The following PHLDB2 variants were observed in gnomAD, a reference collection of about 807,000 sequenced individuals.
PHLDB2 encodes the protein pleckstrin homology like domain family B member 2.
A neutral mutation model predicts 123.6 loss-of-function variants in PHLDB2; 71 were observed. That is an observed-to-expected ratio of 0.57 (90% confidence interval 0.47 to 0.70). The LOEUF (loss-of-function observed/expected upper bound fraction) is 0.70, where lower values mean the gene tolerates loss of function less well. Ranked by LOEUF, PHLDB2 falls within the 30% of genes least tolerant of loss-of-function variation. PHLDB2 has a pLI of 0.00. For missense variants in PHLDB2, 1,446 were observed against 1,519.5 expected (o/e 0.95, Z 0.80); for synonymous variants, 547 against 541.6 (o/e 1.01, Z -0.14).
chr3:111,897,289 G>C (rs2066929628), intron 2 of PHLDB2, among the ~76,000 whole-genome samples: 1 of 152,184 alleles, frequency 6.6e-6, no homozygotes, highest in South Asian at 2.1e-4. Context: ...TGAGGCAAAG[G>C]GAAATCCCAG....
At chr3:111,848,096 C>T (rs914319524) in intron 2 of PHLDB2, among the ~76,000 whole-genome samples, 1 of 152,066 alleles carries the variant, frequency 6.6e-6, no homozygotes, top group Admixed American at 6.6e-5. Flanking sequence ...CCTCACCTTC[C>T]CCCGTGTACA....
At chr3:111,800,107 G>A (rs1025196649) in intron 1 of PHLDB2, among the ~76,000 whole-genome samples, 1 of 152,108 alleles carries the variant, frequency 6.6e-6, no homozygotes, top group African/African-American at 2.4e-5. Flanking sequence ...CTGGGCTCAG[G>A]TAATCCTCCC....
intron 5 of PHLDB2, among the ~76,000 whole-genome samples, chr3:111,921,891 C>T (rs893097231): frequency 4.6e-5 from 7 of 152,292 alleles, no homozygotes; most frequent in Admixed American, 6.5e-5. Context: ...CGTGAGCCGC[C>T]GCGCCCGGCC....
intron 1 of PHLDB2, among the ~76,000 whole-genome samples, chr3:111,815,855 C>T (rs1341760974): frequency 6.6e-6 from 1 of 152,150 alleles, no homozygotes; most frequent in Non-Finnish European, 1.5e-5. Flanking sequence ...TTTACAACAG[C>T]TTCCTGGAGG....
chr3:111,751,266 G>A (rs931806127), intron 1 of PHLDB2, among the ~76,000 whole-genome samples: 1 of 151,178 alleles, frequency 6.6e-6, no homozygotes, highest in African/African-American at 2.4e-5. Flanking sequence ...CAGGAGCCAG[G>A]GCCAAAGGGC....
chr3:111,783,996 T>C (rs537645828), intron 1 of PHLDB2, among the ~76,000 whole-genome samples: 14 of 152,252 alleles, frequency 9.2e-5, no homozygotes, highest in South Asian at 6.2e-4. Context: ...AGAGGATCCA[T>C]GTCCTTTGAG....
At chr3:111,852,235 A>C (rs1263447137) in intron 2 of PHLDB2, among the ~76,000 whole-genome samples, 1 of 150,750 alleles carries the variant, frequency 6.6e-6, no homozygotes, top group African/African-American at 2.4e-5. Context: ...TTGGACATCT[A>C]TCCAAATTGG....
rs11468665 is a variant in PHLDB2 at position 111,838,047 on chromosome 3, TAACAAC to T, written c.-48-7753_-48-7748del. Among the ~76,000 whole-genome samples the T allele has an allele frequency of 2.5e-3, 378 of 151,128 alleles. 1 individual carries two copies. Among genetic ancestry groups the T allele is most frequent in the African/African-American group, 7.2e-3 (297 of 41,152 alleles). On this transcript the variant is annotated intron_variant, in intron 1 of 17. Transcript: ENST00000393923. ...ACAGAGGGAGACTCTGTCTCAAAAA[TAACAAC>T]AACAACAACAACAACAACAAACACA...
At chr3:111,780,972 G>A (rs2060453163) in intron 1 of PHLDB2, among the ~76,000 whole-genome samples, 1 of 152,026 alleles carries the variant, frequency 6.6e-6, no homozygotes, top group Non-Finnish European at 1.5e-5. Flanking sequence ...ACATATAGTA[G>A]ATGATTAATA....
chr3:111,940,486 C>CT (rs761065179), intron 7 of PHLDB2, 49 bp from the exon 8 acceptor site: 1 of 1,109,888 alleles, frequency 9.0e-7, no homozygotes, highest in Non-Finnish European at 1.3e-6. Flanking sequence ...ACTAGCAAAC[C>CT]TTTGAGTGTC....
chr3:111,939,103 C>G (rs577805725), intron 6 of PHLDB2, among the ~76,000 whole-genome samples: 1 of 152,164 alleles, frequency 6.6e-6, no homozygotes, highest in Admixed American at 6.5e-5. Flanking sequence ...CCACCCACCA[C>G]GCCTGGCCAA....
chr3:111,859,732 G>C (rs990602393), intron 1 of PHLDB2, 156 bp downstream of exon 1: 47 of 985,308 alleles, frequency 4.8e-5, no homozygotes, highest in Non-Finnish European at 5.5e-5. Flanking sequence ...GTGGCTGCCC[G>C]GGCCGAGGAG....
chr3:111,747,618 A>G (rs1484856637), intron 1 of PHLDB2, among the ~76,000 whole-genome samples: 1 of 151,802 alleles, frequency 6.6e-6, no homozygotes, highest in Non-Finnish European at 1.5e-5. Flanking sequence ...CCCACCCCCA[A>G]TCCCCAGTAG....
At chr3:111,765,784 A>C (rs1242072518) in intron 1 of PHLDB2, among the ~76,000 whole-genome samples, 1 of 152,194 alleles carries the variant, frequency 6.6e-6, no homozygotes, top group Non-Finnish European at 1.5e-5. Context: ...GTGAGTGAAA[A>C]AATATGTTCC....
chr3:111,790,988 C>G (rs1361432008), intron 1 of PHLDB2, among the ~76,000 whole-genome samples: 1 of 152,164 alleles, frequency 6.6e-6, no homozygotes, highest in Admixed American at 6.5e-5. Flanking sequence ...TCCCCTAGTA[C>G]ACTGTGAACC....
At chr3:111,971,844 C>T (rs1258883925) in intron 16 of PHLDB2, among the ~76,000 whole-genome samples, 3 of 152,154 alleles carry the variant, frequency 2.0e-5, no homozygotes, top group Admixed American at 6.5e-5. Context: ...TATTCATGGC[C>T]CTGGCCTTTG....
intron 2 of PHLDB2, among the ~76,000 whole-genome samples, chr3:111,888,441 G>T (rs930125151): frequency 2.0e-5 from 3 of 152,090 alleles, no homozygotes; most frequent in South Asian, 2.1e-4. Context: ...ATAAAGAATT[G>T]TGTATACCTG....
Position 111,766,313 on chromosome 3 carries a change from T to C in PHLDB2, c.-49+33610T>C, listed in dbSNP as rs1251804294. 5.3e-5 allele frequency among the ~76,000 whole-genome samples: 8 copies of C among 151,852 alleles called. No individual in the cohort carries two copies. The South Asian group carries it at 6.3e-4, about 12-fold the overall frequency. On this transcript the variant is annotated intron_variant, in intron 1 of 17. Transcript: ENST00000393923. ...AAAAAATTAGCCGGGCATGGTGGTA[T>C]GCACCTGTAATCCCAGCTACTCAGG...
chr3:111,958,287 C>T (rs1319011246), intron 12 of PHLDB2: 44 of 989,114 alleles, frequency 4.4e-5, no homozygotes, highest in Non-Finnish European at 5.3e-5. Flanking sequence ...AGAATGAATT[C>T]CTCAGCAGGT....
Sources: gnomAD v4.1 joint callset for allele counts (sites outside exome capture counted in the v4.1 genomes callset) on GRCh38, gnomAD v4.1.1 for gene constraint, MANE v1.5 for transcripts, NCBI Gene and HGNC (gene_info 2026-07-23, HGNC 2026-07-21) for gene names.